ADCY3: variants seen among roughly 807,000 people sequenced by gnomAD.
ADCY3 encodes adenylate cyclase type 3.
Under a neutral mutation model 119.4 loss-of-function variants are expected in ADCY3, and 70 were observed. The observed-to-expected ratio is 0.59, with a 90% CI of 0.48 to 0.72. The LOEUF (loss-of-function observed/expected upper bound fraction) is 0.72, where lower values mean the gene tolerates loss of function less well. Ranked by LOEUF, ADCY3 falls within the 30% of genes least tolerant of loss-of-function variation. The pLI is 0.00. For synonymous variants in ADCY3, 672 were observed against 621.4 expected, an observed-to-expected ratio of 1.08 and a Z score of -1.21; for missense variants, 1,238 against 1,541.6, an observed-to-expected ratio of 0.80 and a Z score of 3.30.
intron 3 of ADCY3, among the ~76,000 whole-genome samples, chr2:24,852,563 C>G (rs550187669): frequency 2.0e-5 from 3 of 152,360 alleles, no homozygotes; most frequent in Non-Finnish European, 2.9e-5. Flanking sequence ...AGCCCGGCCT[C>G]AGAGCAGGCA....
intron 3 of ADCY3, among the ~76,000 whole-genome samples, chr2:24,859,592 T>A (rs1201819800): frequency 6.6e-6 from 1 of 152,118 alleles, no homozygotes; most frequent in African/African-American, 2.4e-5. Flanking sequence ...GGAAGAACAT[T>A]CAGAAAAGCA....
chr2:24,819,194 A>AAAAC lies in ADCY3; in HGVS notation c.*734_*737dup, dbSNP rs548931701. The AAAAC allele has an allele frequency of 2.6e-5, 4 of 152,794 alleles. No homozygotes were observed. Among genetic ancestry groups the AAAAC allele is most frequent in the African/African-American group, 9.6e-5 (4 of 41,606 alleles). The allele number at this position is 152,794 out of a possible 1,614,324, so 9.5% of individuals were successfully genotyped here. A position where few individuals can be genotyped will look rare whatever the true frequency, so the allele number is the denominator to read the frequency against. On this transcript the variant is annotated 3_prime_UTR_variant, in exon 22 of 22. Transcript: ENST00000679454. ...TTTCAAGTTGAATAAAGCTTTTAAT[A>AAAAC]AAACAGTCTTGTTCTTTATCAATAC... is the stretch of plus-strand genomic sequence containing the variant.
chr2:24,825,176 C>T (rs962951171), intron 16 of ADCY3, among the ~76,000 whole-genome samples: 4 of 152,050 alleles, frequency 2.6e-5, no homozygotes, highest in African/African-American at 9.7e-5. Flanking sequence ...TTCTAGCAGG[C>T]GCCATTTGGG....
rs61736790 is a variant in ADCY3 at position 24,918,356 on chromosome 2, T to G, written c.632A>C (p.Gln211Pro). ...HTLVLGVTVA[Q>P]QQQEELKGMQ... ...CCCCTTGAGCTCCTCCTGCTGCTGC[T>G]GGGCCACGGTGACCCCCAGGACCAA... The change falls in exon 2 of 22, where the codon CAG (glutamine) becomes CCG (proline). Residue 211 changes from glutamine (Q) to proline (P), a missense_variant. Around this residue, in one of 7 missense-constraint regions of ADCY3, gnomAD observed 283 missense variants for 437.2 expected, o/e 0.65. Coordinates refer to ENST00000679454, the MANE Select transcript of ADCY3 (RefSeq NM_004036.5). The surrounding 1 kb of genome is among the most constrained non-coding windows in gnomAD (Gnocchi z 5.4). 1.2e-5 allele frequency: 19 copies of G among 1,599,148 alleles called. No individual in the cohort carries two copies. The highest frequency in any genetic ancestry group is 1.5e-5 in the Non-Finnish European group (18 of 1,172,188).
chr2:24,880,290 C>T (rs1345267572), intron 2 of ADCY3, among the ~76,000 whole-genome samples: 4 of 152,370 alleles, frequency 2.6e-5, no homozygotes, highest in Admixed American at 6.5e-5. Flanking sequence ...AGGTTGCGCA[C>T]TGCCAGGGGT....
chr2:24,827,096 T>A (rs1668730380), intron 15 of ADCY3, among the ~76,000 whole-genome samples: 1 of 152,208 alleles, frequency 6.6e-6, no homozygotes. Context: ...CTAAACTTCC[T>A]TGAAGGTCTG....
chr2:24,877,754 T>G (rs1280856360), intron 2 of ADCY3, among the ~76,000 whole-genome samples: 1 of 152,144 alleles, frequency 6.6e-6, no homozygotes, highest in African/African-American at 2.4e-5. Context: ...CCGCTCAAAG[T>G]GTTCTGCACA....
At position 24,898,427 on chromosome 2, in the gene ADCY3, CG is replaced by C. The variant is rs1433820915; in HGVS notation, c.675+19885del. Among the ~76,000 whole-genome samples the C allele has an allele frequency of 6.6e-6, 1 of 152,048 alleles. No individual in the cohort carries two copies. The highest frequency in any genetic ancestry group is 1.9e-4 in the East Asian group (1 of 5,184). On this transcript the variant is annotated intron_variant, in intron 2 of 21. Coordinates refer to ENST00000679454, the MANE Select transcript of ADCY3 (RefSeq NM_004036.5). This position sits in a 1 kb window ranked among gnomAD's most constrained non-coding sequence, Gnocchi z 4.3. ...GAATGCACCTATGCAGGGCTGTCCTCGGGGAGAGGGGCTTCGTGTACTTCAC... is the reference window on the plus strand; with the variant it reads ...GAATGCACCTATGCAGGGCTGTCCTCGGGAGAGGGGCTTCGTGTACTTCAC...
chr2:24,853,521 G>T (rs1351024886), intron 3 of ADCY3, among the ~76,000 whole-genome samples: 1 of 143,908 alleles, frequency 6.9e-6, no homozygotes, highest in African/African-American at 2.6e-5. Context: ...CCAGGCTGGA[G>T]TGCAATGGTG....
chr2:24,884,133 T>C (rs1288181688), intron 2 of ADCY3, among the ~76,000 whole-genome samples: 1 of 152,160 alleles, frequency 6.6e-6, no homozygotes, highest in African/African-American at 2.4e-5. Context: ...TCACTGGTTC[T>C]GATGCAACCC....
chr2:24,826,014 A>G lies in ADCY3; in HGVS notation c.2577+31T>C, dbSNP rs754980695. ...TCAGGAGGCCCTGTGGGCTGTGGGCACAGAGCGGGGATCGTGCAGGCGGCA... is the reference window on the plus strand; with the variant it reads ...TCAGGAGGCCCTGTGGGCTGTGGGCGCAGAGCGGGGATCGTGCAGGCGGCA... On this transcript the variant is annotated intron_variant, in intron 16 of 21. Coordinates refer to ENST00000679454, the MANE Select transcript of ADCY3 (RefSeq NM_004036.5). 9 of 1,608,720 alleles carry G rather than the reference A, an allele frequency of 5.6e-6. No homozygotes were observed. The East Asian group carries it at 1.8e-4, about 32-fold the overall frequency.
chr2:24,845,350 G>A (rs539986704), intron 3 of ADCY3, among the ~76,000 whole-genome samples: 42 of 152,340 alleles, frequency 2.8e-4, no homozygotes, highest in Admixed American at 1.4e-3. Flanking sequence ...CAAAAATGCT[G>A]TTAGTGATAC....
intron 3 of ADCY3, among the ~76,000 whole-genome samples, chr2:24,861,563 A>T (rs987230741): frequency 2.0e-5 from 3 of 152,168 alleles, no homozygotes; most frequent in Non-Finnish European, 2.9e-5. Context: ...TCCATCTATT[A>T]TCTCATTTTT....
intron 2 of ADCY3, among the ~76,000 whole-genome samples, chr2:24,894,716 G>A (rs1232145478): frequency 6.6e-6 from 1 of 151,270 alleles, no homozygotes. Flanking sequence ...TCACTCCTTT[G>A]TGCAGCCCAA....
chr2:24,827,374 C>T (rs1461024370), intron 15 of ADCY3, among the ~76,000 whole-genome samples, 172 bp downstream of exon 15: 1 of 152,232 alleles, frequency 6.6e-6, no homozygotes, highest in African/African-American at 2.4e-5. Context: ...CTTCCCTCCT[C>T]ACTGCACTGC....
At chr2:24,862,500 C>T (rs1441300642) in intron 3 of ADCY3, among the ~76,000 whole-genome samples, 3 of 151,048 alleles carry the variant, frequency 2.0e-5, no homozygotes, top group South Asian at 2.1e-4. Flanking sequence ...GAGCCGAGAT[C>T]GTGCCACTGC....
chr2:24,875,082 AGCCTGTCC>A (rs1458637343), intron 2 of ADCY3, among the ~76,000 whole-genome samples: 6 of 152,134 alleles, frequency 3.9e-5, no homozygotes, highest in Non-Finnish European at 8.8e-5. Flanking sequence ...CACTCGATAG[AGCCTGTCC>A]CATCTGTCCC....
chr2:24,866,582 A>G (rs1269973600), intron 3 of ADCY3, among the ~76,000 whole-genome samples: 2 of 150,310 alleles, frequency 1.3e-5, no homozygotes, highest in African/African-American at 4.9e-5. Flanking sequence ...AAAAAAAAAA[A>G]AAAGAAAAAA....
Position 24,842,231 on chromosome 2 carries a change from G to A in ADCY3, c.956+23C>T. Reference sequence around the variant, plus strand: ...CTCCACAGCCTGCTCTGCCATCAGAGCCCGCGCCCCGGGCCGGCGTACCTG... The same window carrying A: ...CTCCACAGCCTGCTCTGCCATCAGAACCCGCGCCCCGGGCCGGCGTACCTG... On this transcript the variant is annotated intron_variant, in intron 4 of 21. Transcript: ENST00000679454. This position sits in a 1 kb window ranked among gnomAD's most constrained non-coding sequence, Gnocchi z 4.9. 4 of 1,613,538 alleles carry A rather than the reference G, an allele frequency of 2.5e-6. No individual in the cohort carries two copies. Among genetic ancestry groups the A allele is most frequent in the Non-Finnish European group, 3.4e-6 (4 of 1,179,902 alleles).
Sources: gnomAD v4.1 joint callset for allele counts (sites outside exome capture counted in the v4.1 genomes callset) on GRCh38, gnomAD v4.1.1 for gene constraint, gnomAD v4.1.1 regional missense constraint, Gnocchi (gnomAD v3.1) non-coding constraint, MANE v1.5 for transcripts, NCBI Gene and HGNC (gene_info 2026-07-23, HGNC 2026-07-21) for gene names.